The following EMC2 variants were observed in gnomAD, a reference collection of about 807,000 sequenced individuals.
EMC2 encodes TPR repeat protein 35.
In EMC2, 37 loss-of-function variants were observed where a neutral mutation model predicts 51.6. That is an observed-to-expected ratio of 0.72 (90% CI 0.55 to 0.94). The LOEUF (loss-of-function observed/expected upper bound fraction) is 0.94. EMC2 is among the 40% of genes least tolerant of loss of function. The pLI, the probability that EMC2 is intolerant of heterozygous loss-of-function variation, is 0.00. For synonymous variants in EMC2, 131 were observed against 112.4 expected (o/e 1.17, Z -1.04); for missense variants, 359 against 350.9 (o/e 1.02, Z -0.18).
At position 108,479,639 on chromosome 8, in the gene EMC2, T is replaced by G. The variant is rs909102745; in HGVS notation, c.807+529T>G. Among the ~76,000 whole-genome samples, 7 of 152,178 alleles carry G rather than the reference T, an allele frequency of 4.6e-5. No homozygotes were observed. The South Asian group carries it at 6.2e-4, about 13-fold the overall frequency. On this transcript the variant is annotated intron_variant, in intron 10 of 10. Transcript: ENST00000220853. ...TTATTTTTCGTTAGAAATTTGCTCA[T>G]GGGAAAACACATCTTTTTATGTCTT...
intron 10 of EMC2, among the ~76,000 whole-genome samples, chr8:108,485,478 C>CATATATATAATATATATAGGTAACAT (rs1685329353): frequency 7.2e-6 from 1 of 139,842 alleles, no homozygotes; most frequent in Non-Finnish European, 1.5e-5. Context: ...ATATAGGTAA[C>CATATATATAATATATATAGGTAACAT]ATATATATAT....
rs1359733172 is a variant in EMC2, at chr8:108,463,062, T to TTCTCCTCCTCCTC, written c.364-6763_364-6762insCTCCTCCTCCTCT. ...TATTTACTTCTGAGGAAGACAGTAT[T>TTCTCCTCCTCCTC]TTATACCTCTGAGTTGATTCCTTAT... On this transcript the variant is annotated intron_variant, in intron 5 of 10. Coordinates refer to ENST00000220853, the MANE Select transcript of EMC2 (RefSeq NM_014673.5). Among the ~76,000 whole-genome samples the TTCTCCTCCTCCTC allele has an allele frequency of 5.3e-5, 8 of 152,198 alleles. No homozygotes were observed. The East Asian group carries it at 9.6e-4, about 18-fold the overall frequency.
intron 5 of EMC2, among the ~76,000 whole-genome samples, chr8:108,457,370 G>A (rs1404854119): frequency 2.1e-5 from 3 of 142,736 alleles, no homozygotes; most frequent in Non-Finnish European, 4.6e-5. Flanking sequence ...GTGTGTGTGT[G>A]TGTCTATGTA....
intron 5 of EMC2, among the ~76,000 whole-genome samples, chr8:108,465,450 A>G (rs978965743): frequency 2.0e-5 from 3 of 152,224 alleles, no homozygotes; most frequent in Non-Finnish European, 2.9e-5. Flanking sequence ...CATGTCACTT[A>G]AAAGAATGTG....
intron 10 of EMC2, 121 bp downstream of exon 10, chr8:108,479,231 A>G (rs1811003206): frequency 4.7e-6 from 2 of 423,076 alleles, no homozygotes; most frequent in South Asian, 2.0e-4. Context: ...GGGCTTTATC[A>G]AATGTGTTGT....
At chr8:108,449,465 G>T (rs1467923653) in intron 1 of EMC2, among the ~76,000 whole-genome samples, 1 of 152,128 alleles carries the variant, frequency 6.6e-6, no homozygotes, top group African/African-American at 2.4e-5. Flanking sequence ...TAGAGACAAG[G>T]TTTCGCCACG....
chr8:108,472,040 A>G (rs1810867131), intron 7 of EMC2, among the ~76,000 whole-genome samples: 1 of 152,006 alleles, frequency 6.6e-6, no homozygotes, highest in African/African-American at 2.4e-5. Context: ...ACCATTTGTC[A>G]AAAGTATATC....
rs73699824 is a variant in EMC2 at position 108,465,294 on chromosome 8, A to G, written c.364-4532A>G. Among the ~76,000 whole-genome samples, 811 of 152,306 alleles carry G rather than the reference A, an allele frequency of 5.3e-3. 5 individuals carry two copies. Among genetic ancestry groups the G allele is most frequent in the African/African-American group, 0.018 (756 of 41,572 alleles). ...ACAGGAGCATGACTCTTCCAATTCT[A>G]GTCTTCATTCAGGGTCTAGCTGTCC... On this transcript the variant is annotated intron_variant, in intron 5 of 10. Transcript: ENST00000220853.
chr8:108,465,737 C>A (rs1361540763), intron 5 of EMC2, among the ~76,000 whole-genome samples: 2 of 152,122 alleles, frequency 1.3e-5, no homozygotes, highest in Non-Finnish European at 2.9e-5. Flanking sequence ...ATCTTCTAAA[C>A]TTTGTGAGGT....
intron 10 of EMC2, 114 bp from the exon 11 acceptor site, chr8:108,486,398 C>A: frequency 1.5e-6 from 2 of 1,320,176 alleles, no homozygotes; most frequent in East Asian, 2.7e-5. Context: ...ATTTGATTTC[C>A]TACTAGTGAT....
rs1414695373 is a variant in EMC2 at position 108,470,029 on chromosome 8, C to T, written c.450-33C>T. ...ATGCTGTTCATTTACAGAATATCTA[C>T]ACACTTACTTTTTTTTCTTTTCCTC... On this transcript the variant is annotated intron_variant, in intron 6 of 10. Coordinates refer to ENST00000220853, the MANE Select transcript of EMC2 (RefSeq NM_014673.5). 3 of 1,591,988 alleles carry T rather than the reference C, an allele frequency of 1.9e-6. No homozygotes were observed. The South Asian group carries it at 3.3e-5, about 18-fold the overall frequency.
At chr8:108,484,643 C>T (rs1811103208) in intron 10 of EMC2, among the ~76,000 whole-genome samples, 1 of 151,868 alleles carries the variant, frequency 6.6e-6, no homozygotes, top group South Asian at 2.1e-4. Flanking sequence ...GGTAATGTTA[C>T]TATGTGATGT....
At chr8:108,444,972 T>C (rs1374822144) in intron 1 of EMC2, among the ~76,000 whole-genome samples, 7 of 152,216 alleles carry the variant, frequency 4.6e-5, no homozygotes, top group Admixed American at 4.6e-4. Context: ...TTTTAATGCT[T>C]TTTAAAAAAT....
intron 4 of EMC2, among the ~76,000 whole-genome samples, chr8:108,453,844 A>G (rs183381587): frequency 6.6e-6 from 1 of 152,236 alleles, no homozygotes; most frequent in Admixed American, 6.5e-5. Context: ...TAGTGGATTC[A>G]TCTATTTCTC....
rs750068234 is a variant in EMC2 at position 108,462,222 on chromosome 8, T to TGTGCGTGTGTGTGTGTGTGTGTGTGC, written c.363+6295_363+6296insCGTGTGTGTGTGTGTGTGTGTGCGTG. The stretch of plus-strand genomic sequence containing the variant: ...TGCATGTGTGTGTGTTTTGTGTGCG[T>TGTGCGTGTGTGTGTGTGTGTGTGTGC]GTGTGTGTATTCCTCTGACAGGGAG... On this transcript the variant is annotated intron_variant, in intron 5 of 10. Transcript: ENST00000220853. Among the ~76,000 whole-genome samples the TGTGCGTGTGTGTGTGTGTGTGTGTGC allele has an allele frequency of 4.1e-4, 62 of 151,672 alleles. No individual in the cohort carries two copies. The East Asian group carries it at 8.7e-3, about 21-fold the overall frequency.
chr8:108,454,960 A>G (rs761624129), intron 4 of EMC2, among the ~76,000 whole-genome samples: 5 of 152,038 alleles, frequency 3.3e-5, no homozygotes, highest in Non-Finnish European at 7.4e-5. Flanking sequence ...TTGTACCTGT[A>G]TAAGTAATGT....
intron 5 of EMC2, among the ~76,000 whole-genome samples, chr8:108,465,550 C>G (rs1819446110): frequency 6.6e-6 from 1 of 152,168 alleles, no homozygotes; most frequent in African/African-American, 2.4e-5. Flanking sequence ...AGTTGATTTA[C>G]TTTTGAATAA....
chr8:108,471,779 C>T lies in EMC2; in HGVS notation c.509+1658C>T, dbSNP rs559101379. On this transcript the variant is annotated intron_variant, in intron 7 of 10. Coordinates refer to ENST00000220853, the MANE Select transcript of EMC2 (RefSeq NM_014673.5). ...TGTAGTGATCATTTTTATTTTGTTT[C>T]CTTGGGTTAAATTCTTTGAAGTAAA... is the stretch of plus-strand genomic sequence containing the variant. Among the ~76,000 whole-genome samples the T allele has an allele frequency of 3.3e-5, 5 of 151,552 alleles. No homozygotes were observed. The East Asian group carries it at 9.7e-4, about 29-fold the overall frequency.
intron 1 of EMC2, among the ~76,000 whole-genome samples, chr8:108,445,584 T>C (rs1818859200): frequency 1.4e-5 from 2 of 147,916 alleles, no homozygotes; most frequent in Non-Finnish European, 1.5e-5. Flanking sequence ...CCTTTCCTCA[T>C]CCCCCACCAA....
Sources: allele counts gnomAD v4.1 joint callset (sites outside exome capture counted in the v4.1 genomes callset), GRCh38; gene constraint gnomAD v4.1.1; transcripts MANE v1.5; gene names NCBI Gene and HGNC (gene_info 2026-07-23, HGNC 2026-07-21).